TADA3: variants seen among roughly 807,000 people sequenced by gnomAD.
TADA3 encodes transcriptional adaptor 3, also known as transcriptional adapter 3.
TADA3 carries 25 observed loss-of-function variants against 43.2 expected under a neutral mutation model. That is an observed-to-expected ratio of 0.58 (90% CI 0.42 to 0.81). The LOEUF is 0.81. Ranked by LOEUF, TADA3 falls within the 30% of genes least tolerant of loss-of-function variation. The pLI is 0.00. For synonymous variants in TADA3, 235 were observed against 225.5 expected (o/e 1.04, Z -0.38); for missense variants, 441 against 567.8 (o/e 0.78, Z 2.27).
upstream of TADA3, chr3:9,792,688 G>C (rs1050115074): frequency 1.6e-6 from 2 of 1,233,344 alleles, no homozygotes; most frequent in South Asian, 7.8e-5. Context: ...TAGCCCCGCC[G>C]AGCGCCAGGA....
upstream of TADA3, chr3:9,792,492 T>A: frequency 8.3e-7 from 1 of 1,210,636 alleles, no homozygotes; most frequent in Non-Finnish European, 1.0e-6. Context: ...GCGGGCCCCT[T>A]GCAGTTGACG....
At chr3:9,791,862 C>T (rs1014866975) in intron 1 of TADA3, among the ~76,000 whole-genome samples, 1 of 152,188 alleles carries the variant, frequency 6.6e-6, no homozygotes, top group Non-Finnish European at 1.5e-5. Context: ...CCTTGCCTCG[C>T]CTTTCTGATG....
chr3:9,784,693 C>T (rs192692786), intron 7 of TADA3, among the ~76,000 whole-genome samples: 75 of 151,768 alleles, frequency 4.9e-4, no homozygotes, highest in African/African-American at 1.7e-3. Context: ...GGTGAAACCC[C>T]GTCTCTACTA....
upstream of TADA3, chr3:9,792,834 G>T (rs756497901): frequency 1.6e-5 from 22 of 1,359,202 alleles, no homozygotes; most frequent in Non-Finnish European, 2.1e-5. Flanking sequence ...GGGGGAGGCT[G>T]TGGCAAAGGT....
chr3:9,792,721 GAA>G (rs2078770734), upstream of TADA3: 1 of 1,234,458 alleles, frequency 8.1e-7, no homozygotes, highest in Non-Finnish European at 1.0e-6. Context: ...AGGGGCGAGA[GAA>G]AGGATGGGGG....
upstream of TADA3, chr3:9,792,625 C>T (rs577530829): frequency 1.6e-6 from 2 of 1,230,796 alleles, no homozygotes; most frequent in African/African-American, 1.6e-5. Flanking sequence ...AGCCCCGGGG[C>T]ACAGCCCGGG....
At chr3:9,791,155 C>T (rs2078721678) in intron 2 of TADA3, 105 bp downstream of exon 2, 6 of 1,199,916 alleles carry the variant, frequency 5.0e-6, no homozygotes, top group Non-Finnish European at 7.0e-6. Context: ...CCTCTCCCCA[C>T]AAACCCCTGT....
At chr3:9,789,400 G>C in intron 4 of TADA3, 109 bp downstream of exon 4, 1 of 990,584 alleles carries the variant, frequency 1.0e-6, no homozygotes, top group South Asian at 1.6e-5. Flanking sequence ...ACAGCAGACT[G>C]GGCAGGGTTG....
At chr3:9,789,647 C>G (rs1488197921) in intron 3 of TADA3, 33 bp from the exon 4 acceptor site, 1 of 1,611,866 alleles carries the variant, frequency 6.2e-7, no homozygotes, top group Admixed American at 1.7e-5. Context: ...AGTGGGCGCC[C>G]CTGCCCCACC....
At chr3:9,781,127 C>T (rs2078450925) in intron 8 of TADA3, among the ~76,000 whole-genome samples, 2 of 150,668 alleles carry the variant, frequency 1.3e-5, no homozygotes, top group Admixed American at 1.3e-4. Flanking sequence ...GTGACTGTGT[C>T]TTCAAAAAAA....
chr3:9,783,429 C>T (rs1276553902), intron 8 of TADA3: 3 of 151,806 alleles, frequency 2.0e-5, no homozygotes, highest in Non-Finnish European at 4.4e-5. Context: ...AACTGATTCT[C>T]CTGCCTCAGC....
chr3:9,780,360 C>A lies in TADA3; in HGVS notation c.1296G>T (p.Gly432=). The part of the protein sequence containing the change: ...ERESILKLLD[G] Reference sequence around the variant, plus strand: ...CAGCCTGAGGCAGGGGTGAGGGCTACCCATCCAGCAGCTTCAGGATGCTCT... The same window carrying A: ...CAGCCTGAGGCAGGGGTGAGGGCTAACCATCCAGCAGCTTCAGGATGCTCT... The change falls in exon 9 of 9, where the codon GGG becomes GGT. Residue 432 remains glycine (G), a synonymous_variant. Coordinates refer to ENST00000301964, the MANE Select transcript of TADA3 (RefSeq NM_006354.5). 6.2e-7 allele frequency: 1 copy of A among 1,611,782 alleles called. No individual in the cohort carries two copies. Among genetic ancestry groups the A allele is most frequent in the Non-Finnish European group, 8.5e-7 (1 of 1,178,894 alleles).
At chr3:9,785,243 C>T in intron 7 of TADA3, 73 bp downstream of exon 7, 1 of 1,241,448 alleles carries the variant, frequency 8.1e-7, no homozygotes, top group Non-Finnish European at 1.2e-6. Context: ...ATGAGGACTT[C>T]CCCAGGTTGA....
At chr3:9,792,682 C>G (rs559927705), upstream of TADA3, 3 of 1,233,256 alleles carry the variant, frequency 2.4e-6, no homozygotes, top group South Asian at 1.2e-4. Context: ...TGCAGTTAGC[C>G]CCGCCGAGCG....
Position 9,780,172 on chromosome 3 carries a change from G to C in TADA3, c.*185C>G. 1 of 559,280 alleles carries C rather than the reference G, an allele frequency of 1.8e-6. No homozygotes were observed. The allele number at this position is 559,280 out of a possible 1,614,324, so 34.6% of individuals were successfully genotyped here. On this transcript the variant is annotated 3_prime_UTR_variant, in exon 9 of 9. Coordinates refer to ENST00000301964, the MANE Select transcript of TADA3 (RefSeq NM_006354.5). ...GACTAGGCCTCAGGCTAGCCCAGCA[G>C]GGCTTCCTGTGTCCTGGTTGTACAG...
chr3:9,791,517 G>A, intron 1 of TADA3, 24 bp from the exon 2 acceptor site: 1 of 1,441,196 alleles, frequency 6.9e-7, no homozygotes, highest in Non-Finnish European at 9.5e-7. Flanking sequence ...GGCCATTGAT[G>A]GGAGACAAAG....
intron 4 of TADA3, among the ~76,000 whole-genome samples, chr3:9,788,985 A>G (rs1002499252): frequency 1.3e-5 from 2 of 151,612 alleles, no homozygotes; most frequent in African/African-American, 4.9e-5. Flanking sequence ...ACAGGCGCAC[A>G]CCGCCATGCC....
upstream of TADA3, chr3:9,792,717 G>A (rs897569480): frequency 5.7e-6 from 7 of 1,234,412 alleles, no homozygotes; most frequent in African/African-American, 9.3e-5. Flanking sequence ...TAGGAGGGGC[G>A]AGAGAAAGGA....
intron 2 of TADA3, among the ~76,000 whole-genome samples, chr3:9,790,420 C>T (rs992630005): frequency 6.6e-6 from 1 of 152,190 alleles, no homozygotes; most frequent in African/African-American, 2.4e-5. Flanking sequence ...GTCCAGTTGG[C>T]ACCTCCTTCC....
Sources: gnomAD v4.1 joint callset for allele counts (sites outside exome capture counted in the v4.1 genomes callset) on GRCh38, gnomAD v4.1.1 for gene constraint, MANE v1.5 for transcripts, NCBI Gene and HGNC (gene_info 2026-07-23, HGNC 2026-07-21) for gene names.